Variants in USP35 observed in about 807,000 individuals in gnomAD.
The protein encoded by USP35 is ubiquitin carboxyl-terminal hydrolase 35.
USP35 carries 69 observed loss-of-function variants against 83.8 expected under a neutral mutation model. The ratio of observed to expected loss-of-function variants is 0.82; its 90% CI spans 0.68 to 1.01. The LOEUF (loss-of-function observed/expected upper bound fraction) is 1.01. Among genes scored for constraint, USP35 ranks in the 50% least tolerant of loss-of-function variants. USP35 has a pLI of 0.00. For missense variants in USP35, 1,503 were observed against 1,362.5 expected (o/e 1.10, Z -1.62); for synonymous variants, 714 against 589.5 (o/e 1.21, Z -3.06).
chr11:78,235,955 C>T, the USP35 span, among the ~76,000 whole-genome samples: 42 of 152,294 alleles, frequency 2.8e-4, 1 homozygote, highest in East Asian at 8.1e-3. Context: ...TGTATTAGTC[C>T]ATTTTCATGC....
At chr11:78,204,693 A>C (rs1863480889) in intron 6 of USP35, among the ~76,000 whole-genome samples, 1 of 152,224 alleles carries the variant, frequency 6.6e-6, no homozygotes, top group African/African-American at 2.4e-5. Context: ...TATCATGAAC[A>C]GAAAAAAGAA....
downstream of USP35, chr11:78,218,991 A>ACC: frequency 2.4e-6 from 1 of 409,328 alleles, no homozygotes; most frequent in Non-Finnish European, 4.4e-6. Flanking sequence ...GAAGAGGCTG[A>ACC]AGGATGCTTT....
At chr11:78,198,336 T>A (rs956383950) in intron 3 of USP35, among the ~76,000 whole-genome samples, 45 of 152,336 alleles carry the variant, frequency 3.0e-4, no homozygotes, top group Admixed American at 2.8e-3. Context: ...GCTCTCAGCC[T>A]CAGTTTCCCC....
chr11:78,191,915 C>T (rs889992686), intron 1 of USP35, among the ~76,000 whole-genome samples: 1 of 149,456 alleles, frequency 6.7e-6, no homozygotes, highest in Non-Finnish European at 1.5e-5. Context: ...ATGATCTCGG[C>T]TCACTGCAAG....
At chr11:78,216,743 G>C (rs1864168219), downstream of USP35, 1 of 152,274 alleles carries the variant, frequency 6.6e-6, no homozygotes, top group Admixed American at 6.5e-5. Context: ...TTTATGGGAG[G>C]CTGCAATAGT....
At chr11:78,223,918 T>C in the USP35 span, among the ~76,000 whole-genome samples, 1 of 152,042 alleles carries the variant, frequency 6.6e-6, no homozygotes, top group Admixed American at 6.6e-5. Context: ...TCCTCTCTAC[T>C]AAAAATCCAA....
the USP35 span, among the ~76,000 whole-genome samples, chr11:78,231,272 C>G: frequency 6.6e-6 from 1 of 152,088 alleles, no homozygotes. Context: ...AATGGCTCTT[C>G]CAGAGGCTAT....
intron 10 of USP35, among the ~76,000 whole-genome samples, chr11:78,211,481 G>A (rs1241730178): frequency 1.3e-5 from 2 of 152,168 alleles, no homozygotes; most frequent in African/African-American, 4.8e-5. Context: ...TAATGGGATT[G>A]CTGGGTCAAA....
Position 78,205,908 on chromosome 11 carries a change from A to G in USP35, c.1264A>G (p.Lys422Glu), listed in dbSNP as rs1047380946. 1.9e-6 allele frequency: 3 copies of G among 1,614,270 alleles called. No homozygotes were observed. The highest frequency in any genetic ancestry group is 2.5e-6 in the Non-Finnish European group (3 of 1,180,048). ...LLGQDAWTSQ[K>E]SELAGFYPRL... ...GGGGCAGGATGCCTGGACTTCGCAGAAGAGCGAGCTGGCGGGTTTCTATCC... is the reference window on the plus strand; with the variant it reads ...GGGGCAGGATGCCTGGACTTCGCAGGAGAGCGAGCTGGCGGGTTTCTATCC... Residue 422 changes from lysine to glutamate, a missense_variant, in exon 7 of 11, where the codon AAG becomes GAG. Physicochemically the swap from Lys to Glu is moderately conservative, Grantham distance 56. Transcript: ENST00000529308.
chr11:78,233,778 TG>T, the USP35 span, among the ~76,000 whole-genome samples: 1 of 152,292 alleles, frequency 6.6e-6, no homozygotes, highest in South Asian at 2.1e-4. Context: ...GTCTAATTTT[TG>T]TATTTTTAGC....
the USP35 span, chr11:78,226,714 G>T: frequency 3.1e-6 from 5 of 1,613,852 alleles, no homozygotes; most frequent in Non-Finnish European, 4.2e-6. Flanking sequence ...GCTGAGAGTG[G>T]GGTGGCCGGA....
chr11:78,204,967 A>G (rs1863488116), intron 6 of USP35, among the ~76,000 whole-genome samples: 1 of 152,252 alleles, frequency 6.6e-6, no homozygotes, highest in South Asian at 2.1e-4. Context: ...AGCCCTGGAC[A>G]AATCTAAGGC....
At chr11:78,197,652 T>C (rs1286732997) in intron 2 of USP35, among the ~76,000 whole-genome samples, 2 of 152,186 alleles carry the variant, frequency 1.3e-5, no homozygotes, top group East Asian at 3.8e-4. Flanking sequence ...CCACCTTCTC[T>C]AGCGCCAGCG....
chr11:78,226,033 A>C, the USP35 span, among the ~76,000 whole-genome samples: 3 of 152,288 alleles, frequency 2.0e-5, no homozygotes, highest in Admixed American at 1.3e-4. Flanking sequence ...AGTATGATTT[A>C]GAAAATATTA....
At chr11:78,219,482 G>A, downstream of USP35, 1 of 1,466,266 alleles carries the variant, frequency 6.8e-7, no homozygotes, top group Non-Finnish European at 9.5e-7. Context: ...GGAAGAAGGT[G>A]GGCACGGGAT....
rs544472594 is a variant in USP35 at position 78,209,532 on chromosome 11, G to A, written c.1677G>A (p.Pro559=). The A allele has an allele frequency of 2.4e-5, 38 of 1,614,072 alleles. No individual in the cohort carries two copies. Among genetic ancestry groups the A allele is most frequent in the Middle Eastern group, 1.7e-4 (1 of 6,060 alleles). ...SSSPSPPEEP[P]APSSTSVEKM... ...CGCCCTCTCCGCCCGAGGAGCCCCC[G>A]GCCCCAAGTTCAACCTCTGTGGAAA... Residue 559 remains proline (P), a synonymous_variant, in exon 10 of 11, where the codon CCG becomes CCA. Coordinates refer to ENST00000529308, the MANE Select transcript of USP35 (RefSeq NM_020798.4).
chr11:78,227,187 T>G, the USP35 span: 1 of 644,890 alleles, frequency 1.6e-6, no homozygotes, highest in Non-Finnish European at 2.7e-6. Context: ...TTTTGAAGGT[T>G]GTTCAGACTC....
intron 10 of USP35, among the ~76,000 whole-genome samples, chr11:78,212,962 TAG>T (rs976427514): frequency 6.6e-6 from 1 of 152,122 alleles, no homozygotes; most frequent in African/African-American, 2.4e-5. Context: ...TGTGACTCCC[TAG>T]AGTCAAGGGT....
the USP35 span, chr11:78,226,314 C>A: frequency 6.3e-5 from 41 of 653,630 alleles, no homozygotes; most frequent in Non-Finnish European, 1.1e-4. Flanking sequence ...GGTAAGGGAT[C>A]TGGGTAGAAG....
Sources: gnomAD v4.1 joint callset for allele counts (sites outside exome capture counted in the v4.1 genomes callset) on GRCh38, gnomAD v4.1.1 for gene constraint, MANE v1.5 for transcripts, NCBI Gene and HGNC (gene_info 2026-07-23, HGNC 2026-07-21) for gene names.